GALNT9: variants seen among roughly 807,000 people sequenced by gnomAD.
GALNT9 encodes the protein polypeptide N-acetylgalactosaminyltransferase 9.
In GALNT9, 47 loss-of-function variants were observed where a neutral mutation model predicts 63.1. That is an observed-to-expected ratio of 0.75 (90% CI 0.59 to 0.95). The LOEUF (loss-of-function observed/expected upper bound fraction) is 0.95. Ranked by LOEUF, GALNT9 falls within the 40% of genes least tolerant of loss-of-function variation. The pLI, the probability that GALNT9 is intolerant of heterozygous loss-of-function variation, is 0.00. For synonymous variants in GALNT9, 396 were observed against 365.7 expected (o/e 1.08, Z -0.94); for missense variants, 829 against 874.8 (o/e 0.95, Z 0.66).
At chr12:132,254,392 TC>T (rs1879037499) in intron 5 of GALNT9, among the ~76,000 whole-genome samples, 1 of 152,262 alleles carries the variant, frequency 6.6e-6, no homozygotes, top group African/African-American at 2.4e-5. Context: ...CAGAATGTGT[TC>T]TCAGTTTCAG....
At chr12:132,314,293 C>T (rs1868404334) in intron 1 of GALNT9, among the ~76,000 whole-genome samples, 1 of 151,752 alleles carries the variant, frequency 6.6e-6, no homozygotes, top group African/African-American at 2.4e-5. Flanking sequence ...ATACATCAGG[C>T]ATCATGTTAT....
At chr12:132,198,019 C>T in intron 9 of GALNT9, 60 bp from the exon 10 acceptor site, 1 of 1,412,616 alleles carries the variant, frequency 7.1e-7, no homozygotes, top group Non-Finnish European at 9.8e-7. Flanking sequence ...CCAGTGAGCA[C>T]TGACAGGCCG....
chr12:132,313,813 T>TCCAC (rs1230992739), intron 1 of GALNT9, among the ~76,000 whole-genome samples: 1 of 34,588 alleles, frequency 2.9e-5, no homozygotes, highest in Non-Finnish European at 5.3e-5. Context: ...CATCCACCCA[T>TCCAC]CCACCCACCC....
intron 1 of GALNT9, among the ~76,000 whole-genome samples, chr12:132,309,909 G>A (rs1555245028): frequency 6.6e-6 from 1 of 152,252 alleles, no homozygotes; most frequent in African/African-American, 2.4e-5. Context: ...CAGAACGACA[G>A]TTTGCTTGAT....
intron 1 of GALNT9, among the ~76,000 whole-genome samples, chr12:132,326,015 C>G (rs1555246499): frequency 6.6e-6 from 1 of 152,274 alleles, no homozygotes; most frequent in African/African-American, 2.4e-5. Context: ...GCCTGGCATG[C>G]CTTAGCGCTG....
Position 132,197,224 on chromosome 12 carries a change from GC to G in GALNT9, c.1694del (p.Gly565AlafsTer29). Reference sequence around the variant, plus strand: ...TGGACATCTCCACCTCCAGGCAGCGGCCCGTGGCCCGGCTCACAATGGGGCC... The same window carrying G: ...TGGACATCTCCACCTCCAGGCAGCGGCCGTGGCCCGGCTCACAATGGGGCC... ...QSGPIVSRAT[G>X]RCLEVEMSKD... On this transcript the variant is annotated frameshift_variant, in exon 11 of 11. Coordinates refer to ENST00000328957, the MANE Select transcript of GALNT9 (RefSeq NM_001122636.2). LOFTEE classifies it high-confidence loss of function. 6.2e-7 allele frequency: 1 copy of G among 1,613,316 alleles called. No individual in the cohort carries two copies. The highest frequency in any genetic ancestry group is 8.5e-7 in the Non-Finnish European group (1 of 1,180,000).
chr12:132,320,176 C>T (rs1349049945), intron 1 of GALNT9, among the ~76,000 whole-genome samples: 2 of 152,146 alleles, frequency 1.3e-5, no homozygotes, highest in African/African-American at 4.8e-5. Flanking sequence ...AGCCCAGGAG[C>T]CTCCCCACAG....
rs190789855 is a variant in GALNT9 at position 132,252,754 on chromosome 12, A to G, written c.960-4727T>C. ...AAAAATTAGCCAGGCGTGCTGGCAC[A>G]TGCCTGTAATCCCAGCTACTAGGGA... On this transcript the variant is annotated intron_variant, in intron 5 of 10. Transcript: ENST00000328957. The surrounding 1 kb of genome is among the most constrained non-coding windows in gnomAD (Gnocchi z 5.2). Among the ~76,000 whole-genome samples, 11 of 152,280 alleles carry G rather than the reference A, an allele frequency of 7.2e-5. No homozygotes were observed. The East Asian group carries it at 2.1e-3, about 29-fold the overall frequency.
intron 6 of GALNT9, among the ~76,000 whole-genome samples, chr12:132,243,250 G>GGGGCCATCA: frequency 8.6e-6 from 1 of 116,682 alleles, no homozygotes; most frequent in African/African-American, 3.8e-5. Flanking sequence ...CCCTTCCCGG[G>GGGGCCATCA]GCCCTCCCTA....
rs78787629 is a variant in GALNT9, at chr12:132,315,896, G to A, written c.238+13070C>T. ...AACCCCTGTGCTGGGCCCATTCCGA[G>A]ATGCCAATGGGGACTTGGAGCATGA... On this transcript the variant is annotated intron_variant, in intron 1 of 10. Coordinates refer to ENST00000328957, the MANE Select transcript of GALNT9 (RefSeq NM_001122636.2). The surrounding 1 kb of genome is among the most constrained non-coding windows in gnomAD (Gnocchi z 6.1). 0.054 allele frequency among the ~76,000 whole-genome samples: 8,171 copies of A among 152,280 alleles called. 708 individuals carry two copies. Among genetic ancestry groups the A allele is most frequent in the African/African-American group, 0.18 (7,669 of 41,522 alleles).
chr12:132,292,067 A>T (rs1269052952), intron 1 of GALNT9, among the ~76,000 whole-genome samples: 1 of 152,098 alleles, frequency 6.6e-6, no homozygotes, highest in African/African-American at 2.4e-5. Context: ...TGCACCCTGG[A>T]GACCTCCCAG....
intron 1 of GALNT9, among the ~76,000 whole-genome samples, chr12:132,287,347 C>T (rs561571210): frequency 6.6e-6 from 1 of 152,320 alleles, no homozygotes; most frequent in East Asian, 1.9e-4. Flanking sequence ...AAAATATTAA[C>T]CCGAAAATTG....
At chr12:132,261,963 C>G (rs1168827372) in intron 3 of GALNT9, among the ~76,000 whole-genome samples, 23 of 152,212 alleles carry the variant, frequency 1.5e-4, no homozygotes, top group Non-Finnish European at 3.1e-4. Context: ...TCTGTCCAGC[C>G]AAGCTCTGGT....
chr12:132,260,800 C>G (rs1448348497), intron 4 of GALNT9, 148 bp downstream of exon 4: 1 of 1,163,906 alleles, frequency 8.6e-7, no homozygotes, highest in African/African-American at 1.6e-5. Flanking sequence ...TCAGTGGTGG[C>G]TCTCAGTCCC....
At chr12:132,303,174 G>A (rs1267413065) in intron 1 of GALNT9, among the ~76,000 whole-genome samples, 9 of 151,970 alleles carry the variant, frequency 5.9e-5, no homozygotes, top group East Asian at 1.9e-4. Flanking sequence ...GGTAGTCCCC[G>A]TCAGACCCTC....
intron 6 of GALNT9, among the ~76,000 whole-genome samples, chr12:132,230,584 G>A (rs999004512): frequency 4.5e-4 from 67 of 148,876 alleles, no homozygotes; most frequent in Middle Eastern, 6.8e-3. Context: ...TGCCAAGGCC[G>A]CGCCACCTGG....
In GALNT9 at chr12:132,245,862, C is replaced by T. The variant is rs1878689300; in HGVS notation, c.1077+2048G>A. 6.6e-6 allele frequency among the ~76,000 whole-genome samples: 1 copy of T among 152,208 alleles called. No individual in the cohort carries two copies. The highest frequency in any genetic ancestry group is 1.5e-5 in the Non-Finnish European group (1 of 68,032). On this transcript the variant is annotated intron_variant, in intron 6 of 10. Transcript: ENST00000328957. This position sits in a 1 kb window ranked among gnomAD's most constrained non-coding sequence, Gnocchi z 6.3. Reference sequence around the variant, plus strand: ...CTTCCTGCTGAGGCGACTTGTCTTTCACTGACGGTGGCTCTGTCCCCAGGA... The same window carrying T: ...CTTCCTGCTGAGGCGACTTGTCTTTTACTGACGGTGGCTCTGTCCCCAGGA...
intron 6 of GALNT9, among the ~76,000 whole-genome samples, chr12:132,220,854 C>T (rs535173021): frequency 7.2e-5 from 11 of 151,848 alleles, no homozygotes; most frequent in South Asian, 6.3e-4. Context: ...GTGAGGAGTT[C>T]GAGACCAGCC....
In GALNT9 at chr12:132,265,012, C is replaced by G. The variant is rs375417628; in HGVS notation, c.420-2387G>C. On this transcript the variant is annotated intron_variant, in intron 2 of 10. Coordinates refer to ENST00000328957, the MANE Select transcript of GALNT9 (RefSeq NM_001122636.2). The surrounding 1 kb of genome is among the most constrained non-coding windows in gnomAD (Gnocchi z 5.3). The stretch of plus-strand genomic sequence containing the variant: ...GAGATCCTGCCAGGTCGTTTCCACA[C>G]GCGCGGAGTTGAAGCGTTTTTATTT... Among the ~76,000 whole-genome samples, 2 of 152,180 alleles carry G rather than the reference C, an allele frequency of 1.3e-5. No individual in the cohort carries two copies. Among genetic ancestry groups the G allele is most frequent in the South Asian group, 4.1e-4 (2 of 4,834 alleles).
Sources: gnomAD v4.1 joint callset for allele counts (sites outside exome capture counted in the v4.1 genomes callset) on GRCh38, gnomAD v4.1.1 for gene constraint, Gnocchi (gnomAD v3.1) non-coding constraint, MANE v1.5 for transcripts, NCBI Gene and HGNC (gene_info 2026-07-23, HGNC 2026-07-21) for gene names.